Variants in MARK1 observed in about 807,000 individuals in gnomAD.
MARK1 encodes microtubule affinity regulating kinase 1.
A neutral mutation model predicts 96.3 loss-of-function variants in MARK1; 40 were observed. The ratio of observed to expected loss-of-function variants is 0.42; its 90% CI spans 0.32 to 0.54. The LOEUF is 0.54. Among genes scored for constraint, MARK1 ranks in the 20% least tolerant of loss-of-function variants. The probability of loss-of-function intolerance (pLI) is 0.16; values close to 1 mark genes in which losing one functional copy is unlikely to be tolerated. For missense variants in MARK1, 719 were observed against 984.6 expected (o/e 0.73, Z 3.61); for synonymous variants, 317 against 341.2 (o/e 0.93, Z 0.78).
At position 220,581,126 on chromosome 1, in the gene MARK1, ATTAAT is replaced by A; in HGVS notation, c.309+14_309+18del. The A allele has an allele frequency of 2.9e-6, 3 of 1,046,216 alleles. No individual in the cohort carries two copies. Among genetic ancestry groups the A allele is most frequent in the Non-Finnish European group, 3.9e-6 (3 of 766,056 alleles). The allele number at this position is 1,046,216 out of a possible 1,614,324, so 64.8% of individuals were successfully genotyped here. A position where few individuals can be genotyped will look rare whatever the true frequency, so the allele number is the denominator to read the frequency against. ...CCTACCAGTCTACAAAAGGTATTTA[ATTAAT>A]TTAATAAGTAATTAAAATGTGAGTT... is the stretch of plus-strand genomic sequence containing the variant. On this transcript the variant is annotated intron_variant, in intron 3 of 17. Coordinates refer to ENST00000366917, the MANE Select transcript of MARK1 (RefSeq NM_018650.5).
At chr1:220,660,692 ATGAC>A (rs1669432216) in intron 17 of MARK1, among the ~76,000 whole-genome samples, 1 of 152,210 alleles carries the variant, frequency 6.6e-6, no homozygotes, top group Non-Finnish European at 1.5e-5. Context: ...GTTTCTTTCT[ATGAC>A]TGTTTGAAAT....
intron 6 of MARK1, among the ~76,000 whole-genome samples, chr1:220,606,471 G>T (rs546688245): frequency 1.3e-5 from 2 of 152,100 alleles, no homozygotes; most frequent in South Asian, 4.1e-4. Context: ...CCATTCTGTA[G>T]GTTGCCTGTT....
At position 220,653,193 on chromosome 1, in the gene MARK1, G is replaced by A; in HGVS notation, c.1829G>A (p.Ser610Asn). Reference sequence around the variant, plus strand: ...ACCCGTTTTCCCCGAGGGAGCTCAAGCCGAAGCACTTTCCATGGTGAACAG... The same window carrying A: ...ACCCGTTTTCCCCGAGGGAGCTCAAACCGAAGCACTTTCCATGGTGAACAG... ...DRTRFPRGSS[S>N]RSTFHGEQLR... Residue 610 changes from serine (S) to asparagine (N), a missense_variant, in exon 16 of 18, where the codon AGC becomes AAC. Transcript: ENST00000366917. 1.2e-6 allele frequency: 2 copies of A among 1,614,216 alleles called. No homozygotes were observed. Among genetic ancestry groups the A allele is most frequent in the Non-Finnish European group, 8.5e-7 (1 of 1,180,032 alleles).
chr1:220,608,507 T>C (rs914830510), intron 6 of MARK1, among the ~76,000 whole-genome samples: 1 of 152,208 alleles, frequency 6.6e-6, no homozygotes, highest in Admixed American at 6.5e-5. Flanking sequence ...AAAAACCAGC[T>C]CCTGGATTCA....
Position 220,568,939 on chromosome 1 carries a change from C to G in MARK1, c.52-10415C>G, listed in dbSNP as rs147884919. The stretch of plus-strand genomic sequence containing the variant: ...TAATTACTAGAAGTAAAATTTCTAG[C>G]CCAAGGATTGTGGGAATTTACTTGA... On this transcript the variant is annotated intron_variant, in intron 1 of 17. Transcript: ENST00000366917. Among the ~76,000 whole-genome samples, 9 of 152,184 alleles carry G rather than the reference C, an allele frequency of 5.9e-5. No homozygotes were observed. The South Asian group carries it at 6.2e-4, about 11-fold the overall frequency.
At chr1:220,635,624 G>C (rs1667918963) in intron 12 of MARK1, 95 bp downstream of exon 12, 2 of 1,357,788 alleles carry the variant, frequency 1.5e-6, no homozygotes, top group Non-Finnish European at 2.0e-6. Context: ...ATGTGCTTGT[G>C]TTATCTAGTT....
intron 1 of MARK1, among the ~76,000 whole-genome samples, chr1:220,567,742 A>G (rs139317881): frequency 0.015 from 2,358 of 152,244 alleles, 34 homozygotes; most frequent in Middle Eastern, 0.044. Flanking sequence ...AAAATCCTTG[A>G]CTTATAGGTA....
intron 6 of MARK1, among the ~76,000 whole-genome samples, chr1:220,607,324 G>A (rs1666142432): frequency 6.6e-6 from 1 of 152,076 alleles, no homozygotes; most frequent in South Asian, 2.1e-4. Context: ...CTCTCTGTTT[G>A]TCTGTTATTG....
At chr1:220,550,049 G>A (rs928206306) in intron 1 of MARK1, among the ~76,000 whole-genome samples, 4 of 152,152 alleles carry the variant, frequency 2.6e-5, no homozygotes, top group African/African-American at 9.7e-5. Context: ...TTTTCTCCAT[G>A]CTTACCAGTT....
At chr1:220,658,857 C>T (rs1039044249) in intron 17 of MARK1, among the ~76,000 whole-genome samples, 4 of 152,174 alleles carry the variant, frequency 2.6e-5, no homozygotes, top group Non-Finnish European at 5.9e-5. Context: ...TGAGTCACCA[C>T]AGTAGGGAGC....
At chr1:220,529,490 G>A (rs1660162231) in intron 1 of MARK1, among the ~76,000 whole-genome samples, 1 of 152,204 alleles carries the variant, frequency 6.6e-6, no homozygotes. Flanking sequence ...TTCACGAACA[G>A]CATCTATGGC....
At position 220,528,683 on chromosome 1, in the gene MARK1, T is replaced by G; in HGVS notation, c.-140T>G. 1.6e-6 allele frequency: 1 copy of G among 636,822 alleles called. No individual in the cohort carries two copies. The allele number at this position is 636,822 out of a possible 1,614,324, so 39.4% of individuals were successfully genotyped here. On this transcript the variant is annotated 5_prime_UTR_variant, in exon 1 of 18. Transcript: ENST00000366917. ...TCCCTCTTTCCCCCGCCGGGGCCGCTTGTTGCACCGCCCCGCGGCCTGCGG... is the reference window on the plus strand; with the variant it reads ...TCCCTCTTTCCCCCGCCGGGGCCGCGTGTTGCACCGCCCCGCGGCCTGCGG...
chr1:220,550,095 AC>A (rs1661760495), intron 1 of MARK1, among the ~76,000 whole-genome samples: 1 of 152,222 alleles, frequency 6.6e-6, no homozygotes, highest in Non-Finnish European at 1.5e-5. Flanking sequence ...GAGACTGAGT[AC>A]AAATATACTT....
intron 3 of MARK1, among the ~76,000 whole-genome samples, chr1:220,590,263 T>C (rs1172574827): frequency 6.6e-6 from 1 of 152,218 alleles, no homozygotes; most frequent in East Asian, 1.9e-4. Context: ...CAAAATTCTC[T>C]AGATTTGGAG....
intron 11 of MARK1, 101 bp downstream of exon 11, chr1:220,632,414 C>T (rs113218492): frequency 1.9e-6 from 1 of 516,608 alleles, no homozygotes; most frequent in Middle Eastern, 5.4e-4. Context: ...AAGATCCTAC[C>T]CTAACATTCT....
chr1:220,613,465 G>A (rs1297801521), intron 6 of MARK1, among the ~76,000 whole-genome samples: 1 of 152,118 alleles, frequency 6.6e-6, no homozygotes, highest in Non-Finnish European at 1.5e-5. Flanking sequence ...TCTGACATGA[G>A]TTGCATGGCC....
At chr1:220,630,139 C>T (rs987034527) in intron 9 of MARK1, among the ~76,000 whole-genome samples, 1 of 152,126 alleles carries the variant, frequency 6.6e-6, no homozygotes, top group African/African-American at 2.4e-5. Flanking sequence ...AGTGGCCATC[C>T]TAATGAGTAT....
At chr1:220,661,790 T>C in intron 17 of MARK1, 22 bp from the exon 18 acceptor site, 1 of 1,535,418 alleles carries the variant, frequency 6.5e-7, no homozygotes, top group South Asian at 1.2e-5. Flanking sequence ...TTTCATTCTT[T>C]CCCTTTGCCC....
chr1:220,650,805 C>T, intron 14 of MARK1, 85 bp downstream of exon 14: 1 of 904,116 alleles, frequency 1.1e-6, no homozygotes, highest in South Asian at 1.5e-5. Flanking sequence ...CCGAATGGGT[C>T]AGGAGAAAAG....
Sources: gnomAD v4.1 joint callset for allele counts (sites outside exome capture counted in the v4.1 genomes callset) on GRCh38, gnomAD v4.1.1 for gene constraint, MANE v1.5 for transcripts, NCBI Gene and HGNC (gene_info 2026-07-23, HGNC 2026-07-21) for gene names.